CSMD1: variants seen among roughly 807,000 people sequenced by gnomAD.
The protein encoded by CSMD1 is CUB and sushi domain-containing protein 1.
CSMD1 carries 213 observed loss-of-function variants against 417.5 expected under a neutral mutation model. That is an observed-to-expected ratio of 0.51 (90% CI 0.46 to 0.57). CSMD1 has a LOEUF of 0.57. Among genes scored for constraint, CSMD1 ranks in the 20% least tolerant of loss-of-function variants. The pLI is 0.00. For missense variants in CSMD1, 6,923 were observed against 4,529.7 expected, an observed-to-expected ratio of 1.53 and a Z score of -15.17; for synonymous variants, 2,862 against 1,736.8, an observed-to-expected ratio of 1.65 and a Z score of -16.11.
rs527910185 is a variant in CSMD1, at chr8:3,466,240, G to A, written c.1561+2472C>T. On this transcript the variant is annotated intron_variant, in intron 12 of 69. Transcript: ENST00000635120. ...TAATGACGAGTCTGATACACAAAGG[G>A]TTTAAATAACTTACACTAAGGTTCA... 2.0e-4 allele frequency among the ~76,000 whole-genome samples: 30 copies of A among 151,684 alleles called. No homozygotes were observed. In the East Asian group the frequency reaches 5.2e-3, roughly 26 times the overall value.
At chr8:4,423,916 GAACA>G in intron 2 of CSMD1, among the ~76,000 whole-genome samples, 1 of 152,016 alleles carries the variant, frequency 6.6e-6, no homozygotes, top group East Asian at 1.9e-4. Context: ...AAATAAACCT[GAACA>G]AATATCTCCA....
chr8:4,773,880 T>TA (rs1297715502), intron 1 of CSMD1, among the ~76,000 whole-genome samples: 1 of 152,204 alleles, frequency 6.6e-6, no homozygotes, highest in Non-Finnish European at 1.5e-5. Flanking sequence ...CCCAAACTAT[T>TA]AAATACGCTT....
In CSMD1 at chr8:3,670,605, C is replaced by CGATATATATATTGCAT. The variant is rs1585048545; in HGVS notation, c.1009+37808_1009+37809insATGCAATATATATATC. Reference sequence around the variant, plus strand: ...TATATATGGGGATATATATATTGCACATATATATGGGGATATATATATGGG... The same window carrying CGATATATATATTGCAT: ...TATATATGGGGATATATATATTGCACGATATATATATTGCATATATATATGGGGATATATATATGGG... On this transcript the variant is annotated intron_variant, in intron 7 of 69. Coordinates refer to ENST00000635120, the MANE Select transcript of CSMD1 (RefSeq NM_033225.6). Among the ~76,000 whole-genome samples, 8 of 128,960 alleles carry CGATATATATATTGCAT rather than the reference C, an allele frequency of 6.2e-5. No homozygotes were observed. The South Asian group carries it at 1.9e-3, about 30-fold the overall frequency. The allele number at this position is 128,960 out of a possible 152,430, so 84.6% of individuals were successfully genotyped here.
At chr8:3,527,667 C>CA in intron 10 of CSMD1, among the ~76,000 whole-genome samples, 2 of 152,236 alleles carry the variant, frequency 1.3e-5, no homozygotes, top group Non-Finnish European at 2.9e-5. Context: ...ATCCCCTTGC[C>CA]AATTTGCTGG....
chr8:3,768,827 T>C (rs1798423823), intron 5 of CSMD1, among the ~76,000 whole-genome samples: 2 of 152,196 alleles, frequency 1.3e-5, no homozygotes, highest in South Asian at 2.1e-4. Flanking sequence ...ATTACTTCCT[T>C]GGTGGATAGT....
intron 2 of CSMD1, among the ~76,000 whole-genome samples, chr8:4,507,753 C>G (rs922882811): frequency 2.6e-5 from 4 of 152,156 alleles, no homozygotes; most frequent in Non-Finnish European, 5.9e-5. Context: ...TATCTAAAGA[C>G]ATCTTGATGA....
chr8:4,591,000 G>C (rs1056684905), intron 2 of CSMD1, among the ~76,000 whole-genome samples: 2 of 152,124 alleles, frequency 1.3e-5, no homozygotes, highest in Non-Finnish European at 2.9e-5. Context: ...CTCACCTGTG[G>C]CCTGCCTTCT....
At chr8:3,313,291 G>C (rs973127307) in intron 23 of CSMD1, among the ~76,000 whole-genome samples, 8 of 152,106 alleles carry the variant, frequency 5.3e-5, no homozygotes, top group South Asian at 2.1e-4. Flanking sequence ...AACTAACGAG[G>C]TTCTGCACAG....
Position 3,214,525 on chromosome 8 carries a change from G to A in CSMD1, c.4839C>T (p.Ser1613=), listed in dbSNP as rs1246471430. 2 of 1,599,812 alleles carry A rather than the reference G, an allele frequency of 1.3e-6. No individual in the cohort carries two copies. The highest frequency in any genetic ancestry group is 1.1e-5 in the South Asian group (1 of 87,878). Residue 1613 remains serine, a synonymous_variant, in exon 30 of 70, where the codon TCC becomes TCT. Transcript: ENST00000635120. ...TCVIGADGKP[S]WDQVLPSCNA... ...TGCAGGAGGGCAGCACTTGGTCCCA[G>A]GAGGGTTTCCCATCAGCCCCAATCA...
chr8:4,662,090 G>C (rs976247756), intron 1 of CSMD1, among the ~76,000 whole-genome samples: 1 of 152,198 alleles, frequency 6.6e-6, no homozygotes, highest in East Asian at 1.9e-4. Flanking sequence ...TTTGGGACTA[G>C]AGAAACACCA....
intron 1 of CSMD1, among the ~76,000 whole-genome samples, chr8:4,826,378 A>C (rs1379385043): frequency 6.6e-6 from 1 of 152,186 alleles, no homozygotes; most frequent in Non-Finnish European, 1.5e-5. Flanking sequence ...TAAAAGACGC[A>C]ATCCTGCATA....
chr8:4,983,156 A>G (rs1244348961), intron 1 of CSMD1, among the ~76,000 whole-genome samples: 2 of 152,246 alleles, frequency 1.3e-5, no homozygotes, highest in South Asian at 2.1e-4. Context: ...TGGCAAAATA[A>G]TATCTTGAAT....
intron 1 of CSMD1, among the ~76,000 whole-genome samples, chr8:4,856,988 T>G (rs1184256615): frequency 1.3e-5 from 2 of 150,596 alleles, no homozygotes; most frequent in Non-Finnish European, 3.0e-5. Flanking sequence ...ACACCACACC[T>G]ATTCCAAAAT....
chr8:4,811,844 G>A (rs1178750097), intron 1 of CSMD1, among the ~76,000 whole-genome samples: 2 of 151,678 alleles, frequency 1.3e-5, no homozygotes, highest in Admixed American at 6.6e-5. Context: ...TTTCTTCTAT[G>A]AGACAGTGAA....
At chr8:4,674,610 A>C (rs1805557109) in intron 1 of CSMD1, among the ~76,000 whole-genome samples, 1 of 152,194 alleles carries the variant, frequency 6.6e-6, no homozygotes, top group South Asian at 2.1e-4. Flanking sequence ...GCAAATCAGG[A>C]ACACCAAGGA....
chr8:3,805,855 G>A (rs988618147), intron 5 of CSMD1, among the ~76,000 whole-genome samples: 8 of 152,044 alleles, frequency 5.3e-5, no homozygotes, highest in Non-Finnish European at 1.0e-4. Flanking sequence ...AAAATTTCAT[G>A]CCTCAGTTTC....
intron 26 of CSMD1, among the ~76,000 whole-genome samples, chr8:3,267,772 G>A (rs577946471): frequency 1.3e-5 from 2 of 152,306 alleles, no homozygotes; most frequent in East Asian, 1.9e-4. Context: ...CAGCTGATGG[G>A]AGTGGAGCGG....
At chr8:3,506,687 T>C (rs1257097495) in intron 10 of CSMD1, among the ~76,000 whole-genome samples, 4 of 152,302 alleles carry the variant, frequency 2.6e-5, no homozygotes, top group African/African-American at 9.6e-5. Flanking sequence ...AACTCCGAAT[T>C]TGGGGTGTCA....
chr8:3,315,987 C>G (rs951926661), intron 23 of CSMD1, among the ~76,000 whole-genome samples: 1 of 152,154 alleles, frequency 6.6e-6, no homozygotes, highest in African/African-American at 2.4e-5. Flanking sequence ...TGAGACGTCT[C>G]AGTGAAATAA....
Sources: gnomAD v4.1 joint callset for allele counts (sites outside exome capture counted in the v4.1 genomes callset) on GRCh38, gnomAD v4.1.1 for gene constraint, MANE v1.5 for transcripts, NCBI Gene and HGNC (gene_info 2026-07-23, HGNC 2026-07-21) for gene names.